Variants in TCAIM observed in about 807,000 individuals in gnomAD.
TCAIM encodes the protein T cell activation inhibitor, mitochondrial.
A neutral mutation model predicts 58.6 loss-of-function variants in TCAIM; 36 were observed. That is an observed-to-expected ratio of 0.61 (90% CI 0.47 to 0.81). TCAIM has a LOEUF of 0.81. Ranked by LOEUF, TCAIM falls within the 30% of genes least tolerant of loss-of-function variation. The pLI is 0.00. For missense variants in TCAIM, 466 were observed against 579.6 expected (o/e 0.80, Z 2.01); for synonymous variants, 172 against 193.6 (o/e 0.89, Z 0.93).
Position 44,396,804 on chromosome 3 carries a change from A to G in TCAIM, c.855A>G (p.Gly285=). Residue 285 remains glycine, a synonymous_variant, in exon 8 of 11, where the codon GGA becomes GGG. Transcript: ENST00000342649. ...GTGCAGTGGGCCATGTGATGCTAGGAACAATGGATGTCCATCACCACTGGA... is the reference window on the plus strand; with the variant it reads ...GTGCAGTGGGCCATGTGATGCTAGGGACAATGGATGTCCATCACCACTGGA... ...GMSAVGHVML[G]TMDVHHHWTK... 1 of 1,614,168 alleles carries G rather than the reference A, an allele frequency of 6.2e-7. No individual in the cohort carries two copies. Among genetic ancestry groups the G allele is most frequent in the Non-Finnish European group, 8.5e-7 (1 of 1,180,018 alleles).
chr3:44,362,449 T>G, intron 4 of TCAIM: 1 of 400,960 alleles, frequency 2.5e-6, no homozygotes, highest in Non-Finnish European at 4.4e-6. Context: ...AAGAGCTTGA[T>G]CTGAAGAATG....
intron 5 of TCAIM, chr3:44,391,115 G>C (rs1701827351): frequency 1.3e-5 from 2 of 152,140 alleles, no homozygotes; most frequent in South Asian, 4.1e-4. Flanking sequence ...CAGAGGCAGT[G>C]CTGCTCTCTA....
chr3:44,373,449 TG>T (rs1701512261), intron 5 of TCAIM, among the ~76,000 whole-genome samples: 1 of 151,456 alleles, frequency 6.6e-6, no homozygotes, highest in African/African-American at 2.4e-5. Context: ...GCAGATCACT[TG>T]ATGTCAAGAT....
intron 5 of TCAIM, among the ~76,000 whole-genome samples, chr3:44,370,412 C>T (rs949541254): frequency 1.3e-5 from 2 of 149,404 alleles, no homozygotes; most frequent in African/African-American, 4.9e-5. Flanking sequence ...GCCAACATCA[C>T]GCCACTGCAC....
intron 8 of TCAIM, among the ~76,000 whole-genome samples, chr3:44,398,641 T>G (rs1463267130): frequency 3.9e-5 from 6 of 152,194 alleles, no homozygotes; most frequent in Admixed American, 3.9e-4. Context: ...AAAAAGATTA[T>G]AATGGTTTCT....
chr3:44,366,776 AT>A (rs1374381180), intron 4 of TCAIM, among the ~76,000 whole-genome samples: 1 of 151,642 alleles, frequency 6.6e-6, no homozygotes, highest in Non-Finnish European at 1.5e-5. Flanking sequence ...TAATTTTTGT[AT>A]TTTTAGTAGA....
At chr3:44,372,777 G>C (rs780544965) in intron 5 of TCAIM, among the ~76,000 whole-genome samples, 16 of 151,854 alleles carry the variant, frequency 1.1e-4, no homozygotes, top group Non-Finnish European at 1.8e-4. Flanking sequence ...TGTATTTTTA[G>C]TAGAGATGGG....
At chr3:44,354,936 C>G in intron 2 of TCAIM, 125 bp downstream of exon 2, 1 of 1,162,376 alleles carries the variant, frequency 8.6e-7, no homozygotes, top group Non-Finnish European at 1.2e-6. Context: ...AAAGCTGGAA[C>G]AAAAAGAAAG....
intron 5 of TCAIM, among the ~76,000 whole-genome samples, chr3:44,386,488 C>G (rs1356432156): frequency 6.6e-6 from 1 of 152,228 alleles, no homozygotes; most frequent in African/African-American, 2.4e-5. Context: ...GCCCCATGCT[C>G]CCTGGTGCAG....
chr3:44,386,596 A>G (rs1643813882), intron 5 of TCAIM, among the ~76,000 whole-genome samples: 1 of 152,106 alleles, frequency 6.6e-6, no homozygotes, highest in South Asian at 2.1e-4. Context: ...ACCTGCTCCC[A>G]CTCCCTGGCC....
intron 8 of TCAIM, among the ~76,000 whole-genome samples, chr3:44,398,291 A>G (rs975005608): frequency 6.6e-6 from 1 of 152,096 alleles, no homozygotes; most frequent in Non-Finnish European, 1.5e-5. Context: ...AAAGCCGGGC[A>G]TGGTGGCAGG....
chr3:44,375,013 G>A (rs572986677), intron 5 of TCAIM, among the ~76,000 whole-genome samples: 28 of 152,184 alleles, frequency 1.8e-4, no homozygotes, highest in African/African-American at 5.1e-4. Context: ...CCTAGGAACC[G>A]AACCAAATGA....
rs904665253 is a variant in TCAIM at position 44,400,494 on chromosome 3, A to C, written c.1025A>C (p.Tyr342Ser). The C allele has an allele frequency of 2.3e-5, 37 of 1,613,500 alleles. No homozygotes were observed. The highest frequency in any genetic ancestry group is 3.1e-5 in the Non-Finnish European group (36 of 1,179,642). The change falls in exon 9 of 11, where the codon TAC (tyrosine) becomes TCC (serine). Residue 342 changes from tyrosine to serine, a missense_variant. By Grantham distance (144) the Tyr-to-Ser change is moderately radical. Transcript: ENST00000342649. ...CCAGTATTGACACTTGAAGAATATT[A>C]CTCTCTTCTTGATGTGTTTTATAAT... ...LQPVLTLEEY[Y>S]SLLDVFYNRL...
In TCAIM at chr3:44,357,722, G is replaced by A; in HGVS notation, c.30-19G>A. The stretch of plus-strand genomic sequence containing the variant: ...GTGTGAGTGCCTCAATGAATAACCA[G>A]TCCACATCTTTTTAAAAGGTTATGT... On this transcript the variant is annotated intron_variant, in intron 2 of 10. Transcript: ENST00000342649. The A allele has an allele frequency of 6.2e-7, 1 of 1,613,328 alleles. No individual in the cohort carries two copies. The highest frequency in any genetic ancestry group is 8.5e-7 in the Non-Finnish European group (1 of 1,179,740).
chr3:44,373,609 G>A (rs116674206), intron 5 of TCAIM, among the ~76,000 whole-genome samples: 2,395 of 152,114 alleles, frequency 0.016, 26 homozygotes, highest in Middle Eastern at 0.034. Context: ...AACCAAGATC[G>A]TGCCACTGCA....
intron 5 of TCAIM, among the ~76,000 whole-genome samples, chr3:44,382,584 A>C (rs1701671080): frequency 6.6e-6 from 1 of 152,218 alleles, no homozygotes; most frequent in Non-Finnish European, 1.5e-5. Context: ...CTTATACTAA[A>C]ATTAACTCAA....
chr3:44,378,773 G>A (rs899054887), intron 5 of TCAIM, among the ~76,000 whole-genome samples: 3 of 150,310 alleles, frequency 2.0e-5, no homozygotes, highest in Admixed American at 6.7e-5. Flanking sequence ...ATCACTCCAC[G>A]GCAACAGAGC....
At chr3:44,367,388 T>C in intron 4 of TCAIM, 68 bp from the exon 5 acceptor site, 1 of 1,494,732 alleles carries the variant, frequency 6.7e-7, no homozygotes, top group Non-Finnish European at 8.9e-7. Context: ...AAGATTTTGA[T>C]TTTATATATG....
intron 10 of TCAIM, among the ~76,000 whole-genome samples, chr3:44,401,579 G>A (rs951767493): frequency 1.3e-5 from 2 of 152,150 alleles, no homozygotes; most frequent in Admixed American, 1.3e-4. Flanking sequence ...AAGAATATCA[G>A]CAAGGAATTT....
Sources: gnomAD v4.1 joint callset for allele counts (sites outside exome capture counted in the v4.1 genomes callset) on GRCh38, gnomAD v4.1.1 for gene constraint, MANE v1.5 for transcripts, NCBI Gene and HGNC (gene_info 2026-07-23, HGNC 2026-07-21) for gene names.